Variants in STAB2 observed in about 807,000 individuals in gnomAD.
STAB2 encodes the protein stabilin-2.
In STAB2, 288 loss-of-function variants were observed where a neutral mutation model predicts 338.1. The ratio of observed to expected loss-of-function variants is 0.85; its 90% CI spans 0.77 to 0.94. The LOEUF (loss-of-function observed/expected upper bound fraction) is 0.94, where lower values mean the gene tolerates loss of function less well. Among genes scored for constraint, STAB2 ranks in the 40% least tolerant of loss-of-function variants. The pLI is 0.00. For synonymous variants in STAB2, 1,202 were observed against 1,193.3 expected, an observed-to-expected ratio of 1.01 and a Z score of -0.15; for missense variants, 3,141 against 3,210.1, an observed-to-expected ratio of 0.98 and a Z score of 0.52.
At chr12:103,603,234 C>T (rs1012510581) in intron 3 of STAB2, among the ~76,000 whole-genome samples, 7 of 152,052 alleles carry the variant, frequency 4.6e-5, no homozygotes, top group Non-Finnish European at 1.0e-4. Context: ...CCACGCCTGG[C>T]TAATTTTTTG....
intron 44 of STAB2, among the ~76,000 whole-genome samples, chr12:103,722,705 A>G (rs1265365444): frequency 2.0e-5 from 3 of 151,866 alleles, no homozygotes; most frequent in Non-Finnish European, 4.4e-5. Context: ...TTGTTCATCT[A>G]TACCTAGTAC....
At chr12:103,634,931 G>A (rs1378014316) in intron 6 of STAB2, among the ~76,000 whole-genome samples, 2 of 152,208 alleles carry the variant, frequency 1.3e-5, no homozygotes, top group Non-Finnish European at 2.9e-5. Context: ...AACTAGTCAC[G>A]TGATCTTTCC....
In STAB2 at chr12:103,750,592, G is replaced by A; in HGVS notation, c.6452G>A (p.Cys2151Tyr). The change falls in exon 60 of 69, where the codon TGT (cysteine) becomes TAT (tyrosine). Residue 2151 changes from cysteine (C) to tyrosine (Y), a missense_variant. Physicochemically the swap from Cys to Tyr is radical, Grantham distance 194 (BLOSUM62 -2). Coordinates refer to ENST00000388887, the MANE Select transcript of STAB2 (RefSeq NM_017564.10). Reference protein sequence around the residue: ...CKMTGPGKHKCECKSHYVGDG... With the variant: ...CKMTGPGKHKYECKSHYVGDG... ...CTCCCTCCACAGGGCAAGCACAAGT[G>A]TGAGTGTAAAAGTCACTATGTCGGA... is the stretch of plus-strand genomic sequence containing the variant. The A allele has an allele frequency of 6.2e-7, 1 of 1,614,198 alleles. No homozygotes were observed. The highest frequency in any genetic ancestry group is 1.1e-5 in the South Asian group (1 of 91,082).
chr12:103,759,023 C>G (rs1884343453), intron 64 of STAB2, 110 bp from the exon 65 acceptor site: 1 of 1,562,146 alleles, frequency 6.4e-7, no homozygotes, highest in South Asian at 1.1e-5. Flanking sequence ...CACATGGAGG[C>G]AGGAAAGCCT....
Position 103,762,372 on chromosome 12 carries a change from C to A in STAB2, c.7458C>A (p.Asn2486Lys), listed in dbSNP as rs778227915. The A allele has an allele frequency of 8.2e-5, 133 of 1,614,086 alleles. No individual in the cohort carries two copies. The highest frequency in any genetic ancestry group is 2.0e-4 in the Admixed American group (12 of 60,008). Residue 2486 changes from asparagine (N) to lysine (K), a missense_variant, in exon 67 of 69, where the codon AAC becomes AAA. Coordinates refer to ENST00000388887, the MANE Select transcript of STAB2 (RefSeq NM_017564.10). ...CTGCTTACTCCTACTTTCGGATAAACCGGAGAACAATCGGCTTCCAGCATT... is the reference window on the plus strand; with the variant it reads ...CTGCTTACTCCTACTTTCGGATAAAACGGAGAACAATCGGCTTCCAGCATT... ...ALAAYSYFRI[N>K]RRTIGFQHFE...
At chr12:103,717,715 G>C in intron 43 of STAB2, 55 bp from the exon 44 acceptor site, 1 of 1,526,004 alleles carries the variant, frequency 6.6e-7, no homozygotes, top group Non-Finnish European at 9.1e-7. Flanking sequence ...CAGACCATGC[G>C]GCCAGTACAG....
In STAB2 at chr12:103,668,738, C is replaced by A. The variant is rs890000904; in HGVS notation, c.2172+9C>A. On this transcript the variant is annotated intron_variant, in intron 20 of 68. Transcript: ENST00000388887. ...GCAATGCCACTGTGAAGGTGAGGAG[C>A]GCGTGGCCGAGGCCCAGTCTAGGCC... is the stretch of plus-strand genomic sequence containing the variant. The A allele has an allele frequency of 1.2e-5, 18 of 1,536,334 alleles. No individual in the cohort carries two copies. Among genetic ancestry groups the A allele is most frequent in the East Asian group, 2.5e-5 (1 of 40,450 alleles).
intron 8 of STAB2, among the ~76,000 whole-genome samples, 191 bp from the exon 9 acceptor site, chr12:103,639,932 T>G (rs971924455): frequency 6.6e-6 from 1 of 152,194 alleles, no homozygotes; most frequent in Non-Finnish European, 1.5e-5. Context: ...GAGTATAAGC[T>G]TTCCAGCAGG....
chr12:103,733,245 C>T (rs758231528), intron 51 of STAB2, 63 bp downstream of exon 51: 15 of 1,573,302 alleles, frequency 9.5e-6, no homozygotes, highest in Non-Finnish European at 1.3e-5. Context: ...AAATTCAGCA[C>T]CAAGGCATTG....
Position 103,742,405 on chromosome 12 carries a change from C to T in STAB2, c.5882C>T (p.Ala1961Val), listed in dbSNP as rs776018259. Residue 1961 changes from alanine to valine, a missense_variant and splice_region_variant, in exon 56 of 69, where the codon GCC becomes GTC. Physicochemically the swap from Ala to Val is moderately conservative, Grantham distance 64. Transcript: ENST00000388887. The stretch of plus-strand genomic sequence containing the variant: ...GTCACTGCTGTTTCATCTCTTCCAG[C>T]CTGCCCTGGAGGACCAGATGCCCCG... ...CKGYFGRDCQ[A>V]CPGGPDAPCN... 1.2e-6 allele frequency: 2 copies of T among 1,613,908 alleles called. No homozygotes were observed. Among genetic ancestry groups the T allele is most frequent in the East Asian group, 2.2e-5 (1 of 44,890 alleles).
At chr12:103,757,978 G>T (rs960392247) in intron 63 of STAB2, 192 bp from the exon 64 acceptor site, 16 of 749,128 alleles carry the variant, frequency 2.1e-5, no homozygotes, top group Non-Finnish European at 3.2e-5. Flanking sequence ...TAAACCATAG[G>T]ATTCACTGAG....
chr12:103,666,122 CCTT>C (rs1341257037), intron 18 of STAB2, among the ~76,000 whole-genome samples, 166 bp from the exon 19 acceptor site: 1 of 152,232 alleles, frequency 6.6e-6, no homozygotes, highest in Non-Finnish European at 1.5e-5. Context: ...TGACTTCACT[CCTT>C]CTCCCACGGT....
chr12:103,711,418 C>A (rs1879840842), intron 39 of STAB2, 53 bp from the exon 40 acceptor site: 1 of 1,609,872 alleles, frequency 6.2e-7, no homozygotes, highest in Admixed American at 1.7e-5. Flanking sequence ...ACTAAAAATC[C>A]TCAGGTGAGA....
At chr12:103,688,052 G>C in intron 27 of STAB2, 116 bp from the exon 28 acceptor site, 1 of 972,212 alleles carries the variant, frequency 1.0e-6, no homozygotes, top group South Asian at 1.4e-5. Context: ...AACGAGCCTA[G>C]CCCCAGGAAG....
chr12:103,670,930 G>T, intron 22 of STAB2, 123 bp downstream of exon 22: 1 of 733,660 alleles, frequency 1.4e-6, no homozygotes, highest in South Asian at 1.7e-5. Flanking sequence ...CATCATCACA[G>T]AGCATTCATT....
At chr12:103,728,529 T>A (rs1881390525) in intron 47 of STAB2, among the ~76,000 whole-genome samples, 1 of 152,246 alleles carries the variant, frequency 6.6e-6, no homozygotes, top group Non-Finnish European at 1.5e-5. Flanking sequence ...TCCCAGCATG[T>A]TTCACAAGAA....
At chr12:103,734,453 T>C (rs1050490242) in intron 51 of STAB2, among the ~76,000 whole-genome samples, 1 of 151,656 alleles carries the variant, frequency 6.6e-6, no homozygotes, top group Non-Finnish European at 1.5e-5. Context: ...GCAAGCACGA[T>C]CATACAGGAG....
chr12:103,727,235 GTGA>G (rs1566051897), intron 46 of STAB2, 29 bp from the exon 47 acceptor site: 13 of 1,611,938 alleles, frequency 8.1e-6, no homozygotes, highest in African/African-American at 1.3e-5. Context: ...TGTTAAGTGA[GTGA>G]TGTGTGAGCC....
At chr12:103,607,721 C>A (rs150900041) in intron 3 of STAB2, among the ~76,000 whole-genome samples, 2,279 of 152,218 alleles carry the variant, frequency 0.015, 64 homozygotes, top group African/African-American at 0.052. Flanking sequence ...TGAACTCATC[C>A]TTTTTTATCG....
Sources: gnomAD v4.1 joint callset for allele counts (sites outside exome capture counted in the v4.1 genomes callset) on GRCh38, gnomAD v4.1.1 for gene constraint, MANE v1.5 for transcripts, NCBI Gene and HGNC (gene_info 2026-07-23, HGNC 2026-07-21) for gene names.